The following FLG2 variants were observed in gnomAD, a reference collection of about 807,000 sequenced individuals.
FLG2 encodes the protein filaggrin 2.
A neutral mutation model predicts 3.9 loss-of-function variants in FLG2; 7 were observed. The observed-to-expected ratio is 1.79, with a 90% CI of 1.02 to 3.36. The LOEUF is 3.36. Among genes scored for constraint, FLG2 ranks in the 30% most tolerant of loss-of-function variants. FLG2 has a pLI of 0.00. For synonymous variants in FLG2, 1,031 were observed against 1,056.1 expected, an observed-to-expected ratio of 0.98 and a Z score of 0.46; for missense variants, 2,700 against 2,809.4, an observed-to-expected ratio of 0.96 and a Z score of 0.88.
chr1:152,356,806 T>C lies in FLG2; in HGVS notation c.980A>G (p.His327Arg), dbSNP rs1212075842. 1.9e-6 allele frequency: 3 copies of C among 1,614,220 alleles called. No individual in the cohort carries two copies. The highest frequency in any genetic ancestry group is 1.1e-5 in the South Asian group (1 of 91,082). The change falls in exon 3 of 3, where the codon CAT becomes CGT. Residue 327 changes from histidine to arginine, a missense_variant. Physicochemically the swap from His to Arg is conservative, Grantham distance 29 (BLOSUM62 0). Transcript: ENST00000388718. ...CQSGIKGGQGHGCVSGGQPSG... is the reference protein window; with the variant it reads ...CQSGIKGGQGRGCVSGGQPSG... ...GGGCTGACCTCCTGAGACACAGCCATGGCCTTGTCCTCCCTTAATTCCTGA... is the reference window on the plus strand; with the variant it reads ...GGGCTGACCTCCTGAGACACAGCCACGGCCTTGTCCTCCCTTAATTCCTGA...
At position 152,351,062 on chromosome 1, in the gene FLG2, G is replaced by A. The variant is rs1444866892; in HGVS notation, c.6724C>T (p.Gln2242Ter). Residue 2242 changes from glutamine (Q) to a stop codon, truncating the protein, a stop_gained, in exon 3 of 3, where the codon CAG becomes TAG. Transcript: ENST00000388718. LOFTEE classifies it low-confidence loss of function (END_TRUNC). ...CTTCCAGTTGTCCTGGACCCTCTCT[G>A]TGTGGATTGTCCATAACCATAGTGG... ...HAHYGYGQST[Q>*]RGSRTTGRRG... The A allele has an allele frequency of 1.2e-6, 2 of 1,613,416 alleles. No homozygotes were observed. Among genetic ancestry groups the A allele is most frequent in the Admixed American group, 1.7e-5 (1 of 59,958 alleles).
At position 152,357,417 on chromosome 1, in the gene FLG2, T is replaced by A. The variant is rs1289232105; in HGVS notation, c.369A>T (p.Pro123=). The A allele has an allele frequency of 1.2e-6, 2 of 1,614,198 alleles. No individual in the cohort carries two copies. Among genetic ancestry groups the A allele is most frequent in the African/African-American group, 2.7e-5 (2 of 75,050 alleles). The part of the protein sequence containing the change: ...SETEEDEEDT[P]GHKSGYRHSS... ...AATGTCTGTAACCTGATTTATGTCC[T>A]GGTGTATCCTCTTCATCCTCTTCTG... The change falls in exon 3 of 3, where the codon CCA becomes CCT. Residue 123 remains proline, a synonymous_variant. Coordinates refer to ENST00000388718, the MANE Select transcript of FLG2 (RefSeq NM_001014342.3).
rs750990324 is a variant in FLG2 at position 152,352,172 on chromosome 1, T to C, written c.5614A>G (p.Thr1872Ala). Residue 1872 changes from threonine (T) to alanine (A), a missense_variant, in exon 3 of 3, where the codon ACA becomes GCA. Transcript: ENST00000388718. ...HGQSTQSGSS[T>A]TGRRRSGHSE... ...TGGCCAGATCTCCTTCTTCCAGTTGTACTGGATCCTGACTGTGTGGACTGT... is the reference window on the plus strand; with the variant it reads ...TGGCCAGATCTCCTTCTTCCAGTTGCACTGGATCCTGACTGTGTGGACTGT... 15 of 1,613,892 alleles carry C rather than the reference T, an allele frequency of 9.3e-6. 1 individual carries two copies. In the South Asian group the frequency reaches 1.6e-4, roughly 18 times the overall value.
In FLG2 at chr1:152,356,800, C is replaced by T. The variant is rs759428841; in HGVS notation, c.986G>A (p.Cys329Tyr). ...SGIKGGQGHG[C>Y]VSGGQPSGCG... ...TCCAGAGGGCTGACCTCCTGAGACA[C>T]AGCCATGGCCTTGTCCTCCCTTAAT... The change falls in exon 3 of 3, where the codon TGT (cysteine) becomes TAT (tyrosine). Residue 329 changes from cysteine (C) to tyrosine (Y), a missense_variant. Cys to Tyr is a radical substitution (Grantham distance 194). Transcript: ENST00000388718. The T allele has an allele frequency of 1.9e-6, 3 of 1,614,224 alleles. No individual in the cohort carries two copies. The highest frequency in any genetic ancestry group is 2.5e-6 in the Non-Finnish European group (3 of 1,180,036).
At position 152,356,477 on chromosome 1, in the gene FLG2, T is replaced by C. The variant is rs763479013; in HGVS notation, c.1309A>G (p.Ser437Gly). ...TSFEQHGTGLSQSSGFEQHVC... is the reference protein window; with the variant it reads ...TSFEQHGTGLGQSSGFEQHVC... ...TGTTGTTCGAACCCAGAGGACTGAC[T>C]CAAGCCTGTTCCATGTTGTTCAAAG... The change falls in exon 3 of 3, where the codon AGT (serine) becomes GGT (glycine). Residue 437 changes from serine to glycine, a missense_variant. By Grantham distance (56) the Ser-to-Gly change is moderately conservative (BLOSUM62 0). Coordinates refer to ENST00000388718, the MANE Select transcript of FLG2 (RefSeq NM_001014342.3). The C allele has an allele frequency of 8.7e-6, 14 of 1,614,126 alleles. No individual in the cohort carries two copies. The highest frequency in any genetic ancestry group is 1.2e-5 in the Non-Finnish European group (14 of 1,180,050).
At position 152,353,551 on chromosome 1, in the gene FLG2, C is replaced by T; in HGVS notation, c.4235G>A (p.Arg1412Lys). 3 of 1,613,430 alleles carry T rather than the reference C, an allele frequency of 1.9e-6. No homozygotes were observed. The South Asian group carries it at 3.3e-5, about 18-fold the overall frequency. ...CCTTCTTCCAGTTGTCCTGGACCCT[C>T]TCTGTGTGGACTGTCCATGACCAGA... ...GHSGHGQSTQ[R>K]GSRTTGRRGS... is the part of the protein sequence containing the mutation. The change falls in exon 3 of 3, where the codon AGA (arginine) becomes AAA (lysine). Residue 1412 changes from arginine (R) to lysine (K), a missense_variant. By Grantham distance (26) the Arg-to-Lys change is conservative (BLOSUM62 2). Coordinates refer to ENST00000388718, the MANE Select transcript of FLG2 (RefSeq NM_001014342.3).
Position 152,351,967 on chromosome 1 carries a change from G to A in FLG2, c.5819C>T (p.Thr1940Ile). The change falls in exon 3 of 3, where the codon ACC becomes ATC. Residue 1940 changes from threonine (T) to isoleucine (I), a missense_variant. By Grantham distance (89) the Thr-to-Ile change is moderately conservative (BLOSUM62 -1). Transcript: ENST00000388718. Reference protein sequence around the residue: ...TEHGHPSHGQTIQTGSRTTGR... With the variant: ...TEHGHPSHGQIIQTGSRTTGR... ...AGTTGTCCTGGACCCTGTCTGTATG[G>A]TTTGTCCATGACTAGGGTGGCCATG... 6.2e-7 allele frequency: 1 copy of A among 1,613,744 alleles called. No individual in the cohort carries two copies. The highest frequency in any genetic ancestry group is 8.5e-7 in the Non-Finnish European group (1 of 1,179,932).
Position 152,357,607 on chromosome 1 carries a change from A to G in FLG2, c.179T>C (p.Met60Thr). 1.9e-6 allele frequency: 3 copies of G among 1,613,950 alleles called. No individual in the cohort carries two copies. The highest frequency in any genetic ancestry group is 2.5e-6 in the Non-Finnish European group (3 of 1,179,930). ...TCTTCTGTCATGATCTCGATCCAGC[A>G]TATGCATGATGACATCCACTGTGTC... ...DPDTVDVIMHMLDRDHDRRLD... is the reference protein window; with the variant it reads ...DPDTVDVIMHTLDRDHDRRLD... The change falls in exon 3 of 3, where the codon ATG becomes ACG. Residue 60 changes from methionine (M) to threonine (T), a missense_variant. By Grantham distance (81) the Met-to-Thr change is moderately conservative (BLOSUM62 -1). Coordinates refer to ENST00000388718, the MANE Select transcript of FLG2 (RefSeq NM_001014342.3).
chr1:152,356,782 G>T lies in FLG2; in HGVS notation c.1004C>A (p.Pro335His), dbSNP rs762065681. ...AGACTCAGGTTGACCACATCCAGAG[G>T]GCTGACCTCCTGAGACACAGCCATG... ...QGHGCVSGGQ[P>H]SGCGQPESNP... Residue 335 changes from proline (P) to histidine (H), a missense_variant, in exon 3 of 3, where the codon CCC becomes CAC. By Grantham distance (77) the Pro-to-His change is moderately conservative. Coordinates refer to ENST00000388718, the MANE Select transcript of FLG2 (RefSeq NM_001014342.3). 1.2e-6 allele frequency: 2 copies of T among 1,613,960 alleles called. No homozygotes were observed. The highest frequency in any genetic ancestry group is 8.5e-7 in the Non-Finnish European group (1 of 1,179,900).
At position 152,352,649 on chromosome 1, in the gene FLG2, T is replaced by C. The variant is rs1482532695; in HGVS notation, c.5137A>G (p.Thr1713Ala). The stretch of plus-strand genomic sequence containing the variant: ...GTAGTCCTGGACCCTGTCTGTGTGG[T>C]TAATCCATGATGATAGTGGGCATGT... Reference protein sequence around the residue: ...TRHAHYHHGLTTQTGSRTTGR... With the variant: ...TRHAHYHHGLATQTGSRTTGR... The change falls in exon 3 of 3, where the codon ACC becomes GCC. Residue 1713 changes from threonine to alanine, a missense_variant. Transcript: ENST00000388718. The C allele has an allele frequency of 1.2e-6, 2 of 1,612,822 alleles. No individual in the cohort carries two copies. Among genetic ancestry groups the C allele is most frequent in the Admixed American group, 3.3e-5 (2 of 59,896 alleles).
Position 152,355,386 on chromosome 1 carries a change from G to A in FLG2, c.2400C>T (p.Gly800=), listed in dbSNP as rs1031647769. The A allele has an allele frequency of 6.2e-7, 1 of 1,613,262 alleles. No homozygotes were observed. The highest frequency in any genetic ancestry group is 8.5e-7 in the Non-Finnish European group (1 of 1,179,894). ...QTSGFGQHGS[G]SSQSTGFGQY... ...GGCCAAAGCCAGTGGATTGACTTGA[G>A]CCTGACCCATGTTGTCCAAAGCCAG... Residue 800 remains glycine (G), a synonymous_variant, in exon 3 of 3, where the codon GGC becomes GGT. Transcript: ENST00000388718.
At position 152,352,943 on chromosome 1, in the gene FLG2, C is replaced by G; in HGVS notation, c.4843G>C (p.Glu1615Gln). ...TGTCCATGAGTAGTTCCGTGTCTCT[C>G]ATGAACTGTGAATTCTGGCTCTTCA... ...QHEEPEFTVH[E>Q]RHGTTHGQIG... The change falls in exon 3 of 3, where the codon GAG becomes CAG. Residue 1615 changes from glutamate (E) to glutamine (Q), a missense_variant. Glu to Gln is a conservative substitution (Grantham distance 29, BLOSUM62 2). Coordinates refer to ENST00000388718, the MANE Select transcript of FLG2 (RefSeq NM_001014342.3). 1 of 1,613,608 alleles carries G rather than the reference C, an allele frequency of 6.2e-7. No individual in the cohort carries two copies. Among genetic ancestry groups the G allele is most frequent in the South Asian group, 1.1e-5 (1 of 91,038 alleles).
Position 152,355,169 on chromosome 1 carries a change from G to T in FLG2, c.2617C>A (p.Gln873Lys), listed in dbSNP as rs1232071984. 3 of 1,563,176 alleles carry T rather than the reference G, an allele frequency of 1.9e-6. No homozygotes were observed. Among genetic ancestry groups the T allele is most frequent in the African/African-American group, 2.7e-5 (2 of 74,252 alleles). Residue 873 changes from glutamine (Q) to lysine (K), a missense_variant, in exon 3 of 3, where the codon CAA (glutamine) becomes AAA (lysine). By Grantham distance (53) the Gln-to-Lys change is moderately conservative. Transcript: ENST00000388718. ...SSSGQTSGFG[Q>K]HRSSSGQYSG... ...TATTGACCTGAGCTTGACCTGTGTT[G>T]TCCAAAGCCAGATGTCTGTCCCGAA...
chr1:152,355,288 A>G lies in FLG2; in HGVS notation c.2498T>C (p.Phe833Ser). 1 of 1,613,618 alleles carries G rather than the reference A, an allele frequency of 6.2e-7. No homozygotes were observed. The highest frequency in any genetic ancestry group is 1.1e-5 in the South Asian group (1 of 91,058). The stretch of plus-strand genomic sequence containing the variant: ...ATGTGATCTAGACTCATGCTGTCCA[A>G]AGCCAGAGGATTGTCCTGAGCCAGA... The part of the protein sequence containing the change: ...HGSGSGQSSG[F>S]GQHESRSHQS... Residue 833 changes from phenylalanine (F) to serine (S), a missense_variant, in exon 3 of 3, where the codon TTT becomes TCT. Transcript: ENST00000388718.
chr1:152,358,559 G>A (rs1172435526), intron 2 of FLG2, among the ~76,000 whole-genome samples, 188 bp downstream of exon 2: 1 of 152,204 alleles, frequency 6.6e-6, no homozygotes, highest in Non-Finnish European at 1.5e-5. Context: ...AGGTGGAAAA[G>A]TGAGGACGAA....
rs1035928841 is a variant in FLG2, at chr1:152,349,452, C to T, written c.*1158G>A. 6.6e-6 allele frequency: 1 copy of T among 152,402 alleles called. No homozygotes were observed. The highest frequency in any genetic ancestry group is 2.4e-5 in the African/African-American group (1 of 41,448). The allele number at this position is 152,402 out of a possible 1,614,324, so 9.4% of individuals were successfully genotyped here. ...GAGCCACCGCGCCCGGCCTCATTCACTATTTTCTAACCAAGGAGTTCAATG... is the reference window on the plus strand; with the variant it reads ...GAGCCACCGCGCCCGGCCTCATTCATTATTTTCTAACCAAGGAGTTCAATG... On this transcript the variant is annotated 3_prime_UTR_variant, in exon 3 of 3. Coordinates refer to ENST00000388718, the MANE Select transcript of FLG2 (RefSeq NM_001014342.3).
rs1653806805 is a variant in FLG2, at chr1:152,348,950, C to A, written c.*1660G>T. On this transcript the variant is annotated 3_prime_UTR_variant, in exon 3 of 3. Coordinates refer to ENST00000388718, the MANE Select transcript of FLG2 (RefSeq NM_001014342.3). ...TATAATGTTTCTAGAGACGTTTTGG[C>A]TCCTAAACCACGTCATTTAGCTCCT... 1 of 152,100 alleles carries A rather than the reference C, an allele frequency of 6.6e-6. No homozygotes were observed. Among genetic ancestry groups the A allele is most frequent in the African/African-American group, 2.4e-5 (1 of 41,412 alleles). The allele number at this position is 152,100 out of a possible 1,614,324, so 9.4% of individuals were successfully genotyped here. A position where few individuals can be genotyped will look rare whatever the true frequency, so the allele number is the denominator to read the frequency against.
rs774534850 is a variant in FLG2, at chr1:152,352,753, C to T, written c.5033G>A (p.Gly1678Glu). 1.2e-6 allele frequency: 2 copies of T among 1,613,756 alleles called. No individual in the cohort carries two copies. Among genetic ancestry groups the T allele is most frequent in the Admixed American group, 1.7e-5 (1 of 59,972 alleles). ...THTGHTHGQAGSQHGQSESIV... is the reference protein window; with the variant it reads ...THTGHTHGQAESQHGQSESIV... ...GGATTCTGACTGTCCATGTTGAGAT[C>T]CAGCTTGACCATGAGTGTGTCCTGT... The change falls in exon 3 of 3, where the codon GGA (glycine) becomes GAA (glutamate). Residue 1678 changes from glycine to glutamate, a missense_variant. Gly to Glu is a moderately conservative substitution (Grantham distance 98, BLOSUM62 -2). Transcript: ENST00000388718.
In FLG2 at chr1:152,352,861, C is replaced by G; in HGVS notation, c.4925G>C (p.Gly1642Ala). The change falls in exon 3 of 3, where the codon GGG (glycine) becomes GCG (alanine). Residue 1642 changes from glycine to alanine, a missense_variant. By Grantham distance (60) the Gly-to-Ala change is moderately conservative. Transcript: ENST00000388718. Reference protein sequence around the residue: ...HSGHGQSTQRGSRTTGRQRSS... With the variant: ...HSGHGQSTQRASRTTGRQRSS... The stretch of plus-strand genomic sequence containing the variant: ...TCTCTGTCTTCCAGTTGTCCTGGAC[C>G]CTCTCTGTGTGGACTGTCCATGACC... The G allele has an allele frequency of 2.5e-6, 4 of 1,613,200 alleles. No individual in the cohort carries two copies. Among genetic ancestry groups the G allele is most frequent in the Non-Finnish European group, 3.4e-6 (4 of 1,179,810 alleles).
Sources: gnomAD v4.1 joint callset for allele counts (sites outside exome capture counted in the v4.1 genomes callset) on GRCh38, gnomAD v4.1.1 for gene constraint, MANE v1.5 for transcripts, NCBI Gene and HGNC (gene_info 2026-07-23, HGNC 2026-07-21) for gene names.